The following TSHZ3 variants were observed in gnomAD, a reference collection of about 807,000 sequenced individuals.
TSHZ3 encodes teashirt zinc finger homeobox 3, also known as teashirt homolog 3.
In TSHZ3, 10 loss-of-function variants were observed where a neutral mutation model predicts 64.5. The ratio of observed to expected loss-of-function variants is 0.16; its 90% CI spans 0.10 to 0.26. TSHZ3 has a LOEUF of 0.26. Among genes scored for constraint, TSHZ3 ranks in the 10% least tolerant of loss-of-function variants. The pLI, the probability that TSHZ3 is intolerant of heterozygous loss-of-function variation, is 1.00. For missense variants in TSHZ3, 1,242 were observed against 1,421.7 expected, an observed-to-expected ratio of 0.87 and a Z score of 2.03; for synonymous variants, 608 against 593.1, an observed-to-expected ratio of 1.03 and a Z score of -0.36.
At chr19:31,300,935 G>A (rs1473373167) in intron 1 of TSHZ3, among the ~76,000 whole-genome samples, 1 of 152,092 alleles carries the variant, frequency 6.6e-6, no homozygotes, top group Admixed American at 6.5e-5. Flanking sequence ...CAAAATGTAA[G>A]ATTATGCAAA....
intron 1 of TSHZ3, among the ~76,000 whole-genome samples, chr19:31,246,666 G>T (rs557107549): frequency 6.6e-6 from 1 of 152,226 alleles, no homozygotes; most frequent in Admixed American, 6.5e-5. Flanking sequence ...GAGAGATAAA[G>T]AAATTGTTCA....
chr19:31,170,574 T>G (rs1352300986), intron 5 of TSHZ3, among the ~76,000 whole-genome samples: 3 of 152,226 alleles, frequency 2.0e-5, no homozygotes, highest in African/African-American at 7.2e-5. Flanking sequence ...GTGGTCCATC[T>G]GTTCTCATTA....
intron 4 of TSHZ3, among the ~76,000 whole-genome samples, chr19:31,225,745 C>A (rs1037795416): frequency 2.6e-5 from 4 of 152,156 alleles, no homozygotes; most frequent in African/African-American, 9.7e-5. Context: ...TTCCACTAGT[C>A]TCCCAGTCTT....
chr19:31,235,609 T>C (rs1478889358), intron 3 of TSHZ3, among the ~76,000 whole-genome samples: 1 of 146,190 alleles, frequency 6.8e-6, no homozygotes, highest in Non-Finnish European at 1.5e-5. Context: ...TCTTTCTTTC[T>C]TTCTTTCCTC....
intron 4 of TSHZ3, among the ~76,000 whole-genome samples, chr19:31,208,300 GGCATCCT>G (rs969213632): frequency 6.6e-6 from 1 of 152,058 alleles, no homozygotes; most frequent in African/African-American, 2.4e-5. Flanking sequence ...GGTCTCTTTG[GGCATCCT>G]GCTGGGATAA....
chr19:31,243,086 G>C (rs1362076486), intron 1 of TSHZ3, among the ~76,000 whole-genome samples: 1 of 152,140 alleles, frequency 6.6e-6, no homozygotes, highest in South Asian at 2.1e-4. Flanking sequence ...ATCCAGTCAA[G>C]TTGATGCCTA....
chr19:31,169,275 G>A (rs184215110), intron 5 of TSHZ3, among the ~76,000 whole-genome samples: 27 of 152,336 alleles, frequency 1.8e-4, no homozygotes, highest in East Asian at 7.7e-4. Flanking sequence ...CAGCAACTCC[G>A]CTATTGGGTC....
chr19:31,288,348 G>C (rs1400399768), intron 1 of TSHZ3, among the ~76,000 whole-genome samples: 2 of 152,172 alleles, frequency 1.3e-5, no homozygotes, highest in African/African-American at 4.8e-5. Flanking sequence ...CTCTGCTGCA[G>C]AATGTGCTTG....
rs3745784 is a variant in TSHZ3, at chr19:31,277,510, A to G, written c.2283T>C (p.Ala761=). 0.16 allele frequency: 256,062 copies of G among 1,605,516 alleles called. 28,497 individuals carry two copies. Among genetic ancestry groups the G allele is most frequent in the African/African-American group, 0.54 (40,188 of 74,716 alleles). ...GCAGGGGCGGCGGGGTGGCCACAGC[A>G]GCCTTCTCCGCCAGGCTGTTGCTCA... ...FKMSNSLAEK[A]AVATPPPLQS... is the part of the protein sequence containing the mutation. Residue 761 remains alanine, a synonymous_variant, in exon 2 of 2, where the codon GCT becomes GCC. Coordinates refer to ENST00000240587, the MANE Select transcript of TSHZ3 (RefSeq NM_020856.4). The surrounding 1 kb of genome is among the most constrained non-coding windows in gnomAD (Gnocchi z 4.5).
chr19:31,319,763 A>G (rs2145165003), intron 1 of TSHZ3, among the ~76,000 whole-genome samples: 1 of 152,254 alleles, frequency 6.6e-6, no homozygotes, highest in Middle Eastern at 3.4e-3. Flanking sequence ...AAAAGCACAA[A>G]CATCACTGAA....
intron 5 of TSHZ3, among the ~76,000 whole-genome samples, chr19:31,192,164 C>T (rs975376160): frequency 7.9e-5 from 12 of 151,984 alleles, no homozygotes; most frequent in African/African-American, 2.7e-4. Flanking sequence ...CTAAAAAGAC[C>T]ATGGAAGAAA....
At chr19:31,237,679 G>C (rs1006260579) in intron 3 of TSHZ3, among the ~76,000 whole-genome samples, 5 of 152,018 alleles carry the variant, frequency 3.3e-5, no homozygotes. Flanking sequence ...CTATAAAATA[G>C]AAACATCAAT....
At chr19:31,211,664 A>T (rs1295429724) in intron 4 of TSHZ3, among the ~76,000 whole-genome samples, 1 of 152,170 alleles carries the variant, frequency 6.6e-6, no homozygotes, top group African/African-American at 2.4e-5. Flanking sequence ...GCAAAAAGAG[A>T]TTCAGTGGCA....
At chr19:31,230,082 A>C (rs1049045293) in intron 3 of TSHZ3, among the ~76,000 whole-genome samples, 2 of 152,216 alleles carry the variant, frequency 1.3e-5, no homozygotes, top group Non-Finnish European at 2.9e-5. Flanking sequence ...TAACTGCAGA[A>C]ATTTATTTAA....
rs139942089 is a variant in TSHZ3, at chr19:31,157,804, C to T, written n.810-1387G>A. On this transcript the variant is annotated intron_variant and non_coding_transcript_variant, in intron 5 of 6. Coordinates refer to the TSHZ3 transcript ENST00000651361. ...CAAAGATAATGACTTATTCCTTCTG[C>T]TGCATAGACTTGAAATAAATATAAC... Among the ~76,000 whole-genome samples, 127 of 152,304 alleles carry T rather than the reference C, an allele frequency of 8.3e-4. No individual in the cohort carries two copies. In the East Asian group the frequency reaches 0.019, roughly 23 times the overall value.
At chr19:31,265,397 CAAAAA>C (rs11432951) in intron 1 of TSHZ3, among the ~76,000 whole-genome samples, 6 of 34,276 alleles carry the variant, frequency 1.8e-4, no homozygotes, top group Non-Finnish European at 2.0e-4. Context: ...AACTCTGTCT[CAAAAA>C]AAAAAAAAAA....
At chr19:31,265,441 A>C (rs1380551140) in intron 1 of TSHZ3, among the ~76,000 whole-genome samples, 2 of 151,394 alleles carry the variant, frequency 1.3e-5, no homozygotes, top group Non-Finnish European at 2.9e-5. Flanking sequence ...AAGAAAAAGA[A>C]AAGAAAAGAA....
At chr19:31,229,396 G>A (rs1057195454) in intron 3 of TSHZ3, among the ~76,000 whole-genome samples, 1 of 152,138 alleles carries the variant, frequency 6.6e-6, no homozygotes, top group African/African-American at 2.4e-5. Flanking sequence ...TAATAGGAGA[G>A]CTTTTTCAAG....
chr19:31,349,136 G>A (rs1299696615), intron 1 of TSHZ3, 44 bp downstream of exon 1: 1 of 1,534,674 alleles, frequency 6.5e-7, no homozygotes, highest in Non-Finnish European at 8.8e-7. Context: ...GGCGAGCGGA[G>A]GAAGAGGAGG....
Sources: gnomAD v4.1 joint callset for allele counts (sites outside exome capture counted in the v4.1 genomes callset) on GRCh38, gnomAD v4.1.1 for gene constraint, Gnocchi (gnomAD v3.1) non-coding constraint, MANE v1.5 for transcripts, NCBI Gene and HGNC (gene_info 2026-07-23, HGNC 2026-07-21) for gene names.